Variants in COPG2 observed in about 807,000 individuals in gnomAD.
COPG2 encodes coatomer subunit gamma-2.
Under a neutral mutation model 46.3 loss-of-function variants are expected in COPG2, and 37 were observed. That is an observed-to-expected ratio of 0.80 (90% CI 0.61 to 1.05). The LOEUF (loss-of-function observed/expected upper bound fraction) is 1.05, where lower values mean the gene tolerates loss of function less well. Ranked by LOEUF, COPG2 falls within the 50% of genes least tolerant of loss-of-function variation. The pLI, the probability that COPG2 is intolerant of heterozygous loss-of-function variation, is 0.00. For missense variants in COPG2, 427 were observed against 387.8 expected (o/e 1.10, Z -0.85); for synonymous variants, 159 against 129.7 (o/e 1.23, Z -1.53).
At position 130,506,306 on chromosome 7, in the gene COPG2, T is replaced by TCCCCTCC. The variant is rs1332541969; in HGVS notation, c.*363_*369dup. On this transcript the variant is annotated 3_prime_UTR_variant, in exon 24 of 24. Coordinates refer to ENST00000425248, the MANE Select transcript of COPG2 (RefSeq NM_012133.6). ...ATTGTGACAAAAGTGGACTCTGGCT[T>TCCCCTCC]CCCCTCCCCCCTCCCCCCCACCCCT... 7.7e-6 allele frequency: 1 copy of TCCCCTCC among 129,730 alleles called. No homozygotes were observed. Among genetic ancestry groups the TCCCCTCC allele is most frequent in the African/African-American group, 2.9e-5 (1 of 34,878 alleles). 8.0% of individuals were successfully genotyped at this position (129,730 alleles called of 1,614,324 possible).
intron 4 of COPG2, 71 bp downstream of exon 4, chr7:130,662,896 C>T (rs558734114): frequency 1.2e-6 from 1 of 864,852 alleles, no homozygotes; most frequent in Non-Finnish European, 1.8e-6. Flanking sequence ...TAATTTAGAA[C>T]ACTCTTAGTT....
At chr7:130,510,151 A>G (rs1554440847) in intron 20 of COPG2, 1 of 520,156 alleles carries the variant, frequency 1.9e-6, no homozygotes, top group Non-Finnish European at 3.8e-6. Context: ...TGCCTAATTT[A>G]AGCCACTGGT....
At chr7:130,544,428 C>T (rs1409208187) in intron 20 of COPG2, among the ~76,000 whole-genome samples, 1 of 152,072 alleles carries the variant, frequency 6.6e-6, no homozygotes, top group African/African-American at 2.4e-5. Context: ...AGAAAATAAA[C>T]TCACATACAT....
chr7:130,523,350 A>G (rs1385198336), intron 20 of COPG2, among the ~76,000 whole-genome samples: 2 of 152,094 alleles, frequency 1.3e-5, no homozygotes, highest in East Asian at 1.9e-4. Flanking sequence ...AAAAAAAGCA[A>G]TCTCTAAAAG....
In COPG2 at chr7:130,556,288, A is replaced by G. The variant is rs934012953; in HGVS notation, c.1129-1156T>C. Among the ~76,000 whole-genome samples the G allele has an allele frequency of 6.0e-4, 92 of 152,140 alleles. 2 individuals carry two copies. Among genetic ancestry groups the G allele is most frequent in the Admixed American group, 6.0e-3 (91 of 15,270 alleles). On this transcript the variant is annotated intron_variant, in intron 12 of 23. Transcript: ENST00000425248. ...TTAGTATTTCCTGGGGCTGCAAGGA[A>G]ATCTTCCCTTTCCTTTAGAGGGAGA...
intron 5 of COPG2, among the ~76,000 whole-genome samples, chr7:130,649,506 T>C (rs1324585945): frequency 2.0e-5 from 3 of 152,338 alleles, no homozygotes; most frequent in Admixed American, 1.3e-4. Flanking sequence ...TAAGTCCTCC[T>C]TTCCATGTAA....
rs781930651 is a variant in COPG2, at chr7:130,666,934, GA to G, written c.91-6del. 4 of 1,503,104 alleles carry G rather than the reference GA, an allele frequency of 2.7e-6. No individual in the cohort carries two copies. Among genetic ancestry groups the G allele is most frequent in the African/African-American group, 2.8e-5 (2 of 71,284 alleles). The allele number at this position is 1,503,104 out of a possible 1,614,324, so 93.1% of individuals were successfully genotyped here. On this transcript the variant is annotated splice_polypyrimidine_tract_variant and splice_region_variant and intron_variant, in intron 2 of 23. Transcript: ENST00000425248. ...AGTTTCATTGAATATACGAGCCTAT[GA>G]AAAAACATAAAAAACATTGCTACTT...
intron 4 of COPG2, among the ~76,000 whole-genome samples, chr7:130,659,890 C>T (rs918104360): frequency 2.0e-5 from 3 of 151,938 alleles, no homozygotes; most frequent in Admixed American, 6.6e-5. Context: ...TCAGCCTGGG[C>T]GACAACTCAA....
In COPG2 at chr7:130,659,250, G is replaced by A. The variant is rs557859823; in HGVS notation, c.243+3717C>T. 4.0e-5 allele frequency among the ~76,000 whole-genome samples: 6 copies of A among 149,390 alleles called. 1 individual carries two copies. In the South Asian group the frequency reaches 1.3e-3, roughly 32 times the overall value. On this transcript the variant is annotated intron_variant, in intron 4 of 23. Transcript: ENST00000425248. Reference sequence around the variant, plus strand: ...GGTGCCTGTAGTCCCAGCTACTCAGGAGGCTGAGGCAGGAGAATGGCGTGA... The same window carrying A: ...GGTGCCTGTAGTCCCAGCTACTCAGAAGGCTGAGGCAGGAGAATGGCGTGA...
intron 5 of COPG2, among the ~76,000 whole-genome samples, chr7:130,629,710 C>T (rs1290362552): frequency 6.6e-6 from 1 of 151,764 alleles, no homozygotes; most frequent in African/African-American, 2.4e-5. Flanking sequence ...TCCTGGAATT[C>T]TACATATGCT....
At chr7:130,555,594 A>C (rs1197898208) in intron 12 of COPG2, among the ~76,000 whole-genome samples, 1 of 152,206 alleles carries the variant, frequency 6.6e-6, no homozygotes, top group Non-Finnish European at 1.5e-5. Context: ...TGGGAGGCTA[A>C]GGTGGGTGGA....
intron 20 of COPG2, among the ~76,000 whole-genome samples, chr7:130,513,363 A>G (rs868969304): frequency 0.025 from 1,143 of 45,346 alleles, 43 homozygotes; most frequent in African/African-American, 0.051. Flanking sequence ...GTGTGTGTAT[A>G]TATATATATA....
intron 9 of COPG2, chr7:130,607,569 A>G (rs535276332): frequency 2.8e-5 from 12 of 433,468 alleles, no homozygotes; most frequent in African/African-American, 1.4e-4. Flanking sequence ...TCTCCATTCA[A>G]TTCTTTTATC....
chr7:130,596,088 C>G (rs782597811), intron 9 of COPG2, among the ~76,000 whole-genome samples: 1 of 152,140 alleles, frequency 6.6e-6, no homozygotes, highest in Non-Finnish European at 1.5e-5. Flanking sequence ...CCATGGGCCT[C>G]CTGGGCAAGA....
At position 130,607,791 on chromosome 7, in the gene COPG2, TTC is replaced by T. The variant is rs1380224399; in HGVS notation, c.737+3160_737+3161del. ...CACTCTGTCCAGAAATACTGTAGCT[TTC>T]TGTCATCCTACACTGAGGAATTACA... On this transcript the variant is annotated intron_variant, in intron 9 of 23. Coordinates refer to ENST00000425248, the MANE Select transcript of COPG2 (RefSeq NM_012133.6). 7 of 520,140 alleles carry T rather than the reference TTC, an allele frequency of 1.3e-5. No homozygotes were observed. In the East Asian group the frequency reaches 3.8e-4, roughly 28 times the overall value. 32.2% of individuals were successfully genotyped at this position (520,140 alleles called of 1,614,324 possible).
intron 5 of COPG2, among the ~76,000 whole-genome samples, chr7:130,626,484 C>T (rs1450926569): frequency 2.0e-5 from 3 of 149,774 alleles, no homozygotes; most frequent in African/African-American, 7.4e-5. Context: ...CACCTGACCT[C>T]ATGATCCACC....
intron 22 of COPG2, 99 bp downstream of exon 22, chr7:130,507,586 G>GTTTTT: frequency 1.7e-6 from 1 of 578,128 alleles, no homozygotes; most frequent in East Asian, 3.0e-5. Flanking sequence ...GATTTATGAA[G>GTTTTT]TTTTTTTTTT....
chr7:130,527,034 T>G, intron 20 of COPG2, among the ~76,000 whole-genome samples: 1 of 151,706 alleles, frequency 6.6e-6, no homozygotes, highest in African/African-American at 2.4e-5. Context: ...TGTTGACTAC[T>G]GGGGGTGATG....
chr7:130,556,718 T>C (rs1432985293), intron 12 of COPG2, among the ~76,000 whole-genome samples: 2 of 152,114 alleles, frequency 1.3e-5, no homozygotes, highest in Non-Finnish European at 2.9e-5. Flanking sequence ...ATCAAGAATG[T>C]AAAGATGGTT....
Sources: allele counts gnomAD v4.1 joint callset (sites outside exome capture counted in the v4.1 genomes callset), GRCh38; gene constraint gnomAD v4.1.1; transcripts MANE v1.5; gene names NCBI Gene and HGNC (gene_info 2026-07-23, HGNC 2026-07-21).